CNTN5: variants seen among roughly 807,000 people sequenced by gnomAD.
The protein encoded by CNTN5 is contactin 5.
In CNTN5, 77 loss-of-function variants were observed where a neutral mutation model predicts 129.1. That is an observed-to-expected ratio of 0.60 (90% confidence interval 0.50 to 0.72). The LOEUF is 0.72. Ranked by LOEUF, CNTN5 falls within the 30% of genes least tolerant of loss-of-function variation. CNTN5 has a pLI of 0.00. For synonymous variants in CNTN5, 509 were observed against 465.6 expected (o/e 1.09, Z -1.20); for missense variants, 1,478 against 1,328.8 (o/e 1.11, Z -1.75).
At chr11:99,983,229 G>A (rs1457098362) in intron 8 of CNTN5, among the ~76,000 whole-genome samples, 1 of 152,168 alleles carries the variant, frequency 6.6e-6, no homozygotes, top group East Asian at 1.9e-4. Flanking sequence ...TTTGAGTATG[G>A]TTTTAAAAGC....
At chr11:100,316,951 C>A (rs1591508501) in intron 21 of CNTN5, among the ~76,000 whole-genome samples, 1 of 152,310 alleles carries the variant, frequency 6.6e-6, no homozygotes, top group East Asian at 1.9e-4. Flanking sequence ...ACAATACTCA[C>A]TAAAAGGCAC....
chr11:99,591,879 C>G (rs1481880790), intron 3 of CNTN5, among the ~76,000 whole-genome samples: 1 of 152,084 alleles, frequency 6.6e-6, no homozygotes. Context: ...TATTTTGACA[C>G]TTAAAATTGC....
At position 99,172,705 on chromosome 11, in the gene CNTN5, G is replaced by A. The variant is rs181029555; in HGVS notation, c.-210+151435G>A. On this transcript the variant is annotated intron_variant, in intron 1 of 24. Coordinates refer to ENST00000524871, the MANE Select transcript of CNTN5 (RefSeq NM_014361.4). Reference sequence around the variant, plus strand: ...ATAGTTATGAACAGGCAAATATTCCGAATGAAAGAAGTTGACTTCTAGAAG... The same window carrying A: ...ATAGTTATGAACAGGCAAATATTCCAAATGAAAGAAGTTGACTTCTAGAAG... Among the ~76,000 whole-genome samples, 892 of 152,226 alleles carry A rather than the reference G, an allele frequency of 5.9e-3. 8 individuals carry two copies. Among genetic ancestry groups the A allele is most frequent in the African/African-American group, 0.02 (838 of 41,528 alleles).
chr11:99,808,959 T>C (rs1448081684), intron 3 of CNTN5, among the ~76,000 whole-genome samples: 1 of 152,146 alleles, frequency 6.6e-6, no homozygotes, highest in East Asian at 1.9e-4. Context: ...TTTTCTTTAA[T>C]GGTAAAATAT....
chr11:99,378,256 C>T (rs535523501), intron 2 of CNTN5, among the ~76,000 whole-genome samples: 1 of 152,170 alleles, frequency 6.6e-6, no homozygotes, highest in East Asian at 1.9e-4. Flanking sequence ...TAACTCATTT[C>T]TATTTTCGTA....
intron 2 of CNTN5, among the ~76,000 whole-genome samples, chr11:99,403,106 A>T (rs924626856): frequency 2.0e-5 from 3 of 149,146 alleles, no homozygotes; most frequent in African/African-American, 7.5e-5. Flanking sequence ...TCCCGGGTTC[A>T]CGCCATTCTC....
chr11:100,318,325 G>T (rs1951611510), intron 21 of CNTN5, among the ~76,000 whole-genome samples: 1 of 151,524 alleles, frequency 6.6e-6, no homozygotes, highest in Non-Finnish European at 1.5e-5. Context: ...CTAAACAGGG[G>T]TTTCTCATCC....
chr11:99,534,855 C>T lies in CNTN5; in HGVS notation c.-70-21290C>T, dbSNP rs369986478. On this transcript the variant is annotated intron_variant, in intron 2 of 24. Transcript: ENST00000524871. Reference sequence around the variant, plus strand: ...CTTTTGTCTGGTAGTGATAAGTCAACTACAATATAAGGATGATTAGAATTA... The same window carrying T: ...CTTTTGTCTGGTAGTGATAAGTCAATTACAATATAAGGATGATTAGAATTA... 3.9e-5 allele frequency among the ~76,000 whole-genome samples: 6 copies of T among 152,062 alleles called. No homozygotes were observed. The East Asian group carries it at 1.2e-3, about 29-fold the overall frequency.
At chr11:99,292,828 A>C (rs1051850872) in intron 1 of CNTN5, among the ~76,000 whole-genome samples, 1 of 151,924 alleles carries the variant, frequency 6.6e-6, no homozygotes, top group Non-Finnish European at 1.5e-5. Flanking sequence ...AGAAGAAAGT[A>C]TAGGACTCCT....
At chr11:99,890,337 G>GTA (rs1319452392) in intron 6 of CNTN5, among the ~76,000 whole-genome samples, 4 of 151,734 alleles carry the variant, frequency 2.6e-5, no homozygotes, top group Non-Finnish European at 5.9e-5. Flanking sequence ...TCATACTGAA[G>GTA]TATATATATC....
chr11:99,845,711 T>C (rs1373451351), intron 6 of CNTN5, among the ~76,000 whole-genome samples: 3 of 152,166 alleles, frequency 2.0e-5, no homozygotes, highest in Non-Finnish European at 4.4e-5. Flanking sequence ...AGATTTGCTG[T>C]CCTCAAAATA....
chr11:100,255,301 G>A (rs1373441103), intron 16 of CNTN5, among the ~76,000 whole-genome samples: 1 of 152,128 alleles, frequency 6.6e-6, no homozygotes. Context: ...ACATCATAGG[G>A]CTTGTACATT....
intron 3 of CNTN5, among the ~76,000 whole-genome samples, chr11:99,627,689 C>T (rs906530653): frequency 1.3e-5 from 2 of 151,736 alleles, no homozygotes; most frequent in African/African-American, 4.8e-5. Context: ...CAAGCACTGC[C>T]CTAAAAATGT....
At chr11:99,689,147 G>A (rs948558549) in intron 3 of CNTN5, among the ~76,000 whole-genome samples, 4 of 152,078 alleles carry the variant, frequency 2.6e-5, no homozygotes, top group African/African-American at 9.7e-5. Flanking sequence ...GGATCAAATG[G>A]TATTTCTGCT....
intron 3 of CNTN5, among the ~76,000 whole-genome samples, chr11:99,665,640 A>C (rs2453255): frequency 0.62 from 93,451 of 151,192 alleles, 29,762 homozygotes; most frequent in Non-Finnish European, 0.7. Context: ...GTGCCCAGCA[A>C]CTTGCCCGGC....
chr11:100,304,137 A>G (rs1951292111), intron 20 of CNTN5, among the ~76,000 whole-genome samples: 1 of 151,620 alleles, frequency 6.6e-6, no homozygotes, highest in Non-Finnish European at 1.5e-5. Context: ...TGAACACGGT[A>G]ATGCTGTTCA....
At chr11:99,092,367 T>A (rs1415165668) in intron 1 of CNTN5, among the ~76,000 whole-genome samples, 1 of 152,078 alleles carries the variant, frequency 6.6e-6, no homozygotes, top group Non-Finnish European at 1.5e-5. Context: ...CTCCTAAATA[T>A]CTGAGCTTAT....
At chr11:99,753,844 C>A (rs1944319888) in intron 3 of CNTN5, among the ~76,000 whole-genome samples, 2 of 151,216 alleles carry the variant, frequency 1.3e-5, no homozygotes, top group Non-Finnish European at 1.5e-5. Flanking sequence ...TGTGCCACCA[C>A]ACCCAACTAA....
intron 1 of CNTN5, among the ~76,000 whole-genome samples, chr11:99,077,008 G>A (rs923644445): frequency 6.6e-6 from 1 of 152,200 alleles, no homozygotes. Flanking sequence ...TAATATGAAG[G>A]TTCTGGTAGC....
Sources: gnomAD v4.1 joint callset for allele counts (sites outside exome capture counted in the v4.1 genomes callset) on GRCh38, gnomAD v4.1.1 for gene constraint, MANE v1.5 for transcripts, NCBI Gene and HGNC (gene_info 2026-07-23, HGNC 2026-07-21) for gene names.